Variants in CLASP2 observed in about 807,000 individuals in gnomAD.
CLASP2 encodes the protein CLIP-associating protein 2.
CLASP2 carries 47 observed loss-of-function variants against 194.4 expected under a neutral mutation model. The ratio of observed to expected loss-of-function variants is 0.24; its 90% CI spans 0.19 to 0.31. The LOEUF is 0.31. Ranked by LOEUF, CLASP2 falls within the 10% of genes least tolerant of loss-of-function variation. The pLI is 1.00. For missense variants in CLASP2, 1,445 were observed against 1,823.6 expected, an observed-to-expected ratio of 0.79 and a Z score of 3.78; for synonymous variants, 619 against 633.5, an observed-to-expected ratio of 0.98 and a Z score of 0.34.
At chr3:33,674,241 A>T (rs998431326) in intron 6 of CLASP2, among the ~76,000 whole-genome samples, 1 of 152,122 alleles carries the variant, frequency 6.6e-6, no homozygotes, top group Non-Finnish European at 1.5e-5. Flanking sequence ...ATAACAAACT[A>T]TCTCTCAGAC....
intron 34 of CLASP2, among the ~76,000 whole-genome samples, chr3:33,518,527 AT>A (rs556527846): frequency 8.7e-4 from 133 of 152,342 alleles, no homozygotes; most frequent in African/African-American, 3.1e-3. Context: ...CTGCAGACCA[AT>A]ATAACACTAT....
chr3:33,545,822 A>G (rs2059071514), intron 30 of CLASP2, among the ~76,000 whole-genome samples: 2 of 151,832 alleles, frequency 1.3e-5, no homozygotes, highest in Non-Finnish European at 2.9e-5. Context: ...AGGCCAGAGG[A>G]TCTCTTGAAC....
intron 10 of CLASP2, among the ~76,000 whole-genome samples, chr3:33,625,363 A>AACAC (rs779554126): frequency 1.5e-4 from 23 of 150,246 alleles, no homozygotes; most frequent in Admixed American, 1.0e-3. Flanking sequence ...AGATTCCTAT[A>AACAC]ACACACACAC....
chr3:33,573,041 T>C, intron 25 of CLASP2, 69 bp downstream of exon 25: 4 of 1,571,246 alleles, frequency 2.5e-6, no homozygotes, highest in Non-Finnish European at 3.5e-6. Context: ...TCTAAAGTGT[T>C]ATAGAAACAA....
chr3:33,564,796 T>C (rs754627847), intron 27 of CLASP2, among the ~76,000 whole-genome samples: 1 of 152,150 alleles, frequency 6.6e-6, no homozygotes, highest in African/African-American at 2.4e-5. Context: ...ACCTTTGTTG[T>C]CCAGGTTAGT....
chr3:33,528,184 C>T lies in CLASP2; in HGVS notation c.3787+7049G>A, dbSNP rs146230465. Among the ~76,000 whole-genome samples, 6 of 152,132 alleles carry T rather than the reference C, an allele frequency of 3.9e-5. No homozygotes were observed. In the East Asian group the frequency reaches 1.2e-3, roughly 29 times the overall value. On this transcript the variant is annotated intron_variant, in intron 34 of 38. Coordinates refer to ENST00000682230, the MANE Select transcript of CLASP2 (RefSeq NM_001365631.1). ...TTCATCACATATACAGAACTAAAGA[C>T]AAAAACCACATGATTATTTCAATAG...
At chr3:33,593,749 A>G (rs1053530851) in intron 20 of CLASP2, among the ~76,000 whole-genome samples, 1 of 152,262 alleles carries the variant, frequency 6.6e-6, no homozygotes, top group Non-Finnish European at 1.5e-5. Context: ...TGGAGAATTT[A>G]TCTACATTGT....
At chr3:33,680,412 G>A (rs2089609270) in intron 6 of CLASP2, among the ~76,000 whole-genome samples, 1 of 152,194 alleles carries the variant, frequency 6.6e-6, no homozygotes, top group Non-Finnish European at 1.5e-5. Flanking sequence ...CCACTCTGTT[G>A]AGGAATATTG....
chr3:33,565,318 A>T (rs2062507262), intron 27 of CLASP2, among the ~76,000 whole-genome samples: 1 of 151,950 alleles, frequency 6.6e-6, no homozygotes, highest in Non-Finnish European at 1.5e-5. Flanking sequence ...AGGTAGGATT[A>T]CAGGCCAGCG....
intron 6 of CLASP2, among the ~76,000 whole-genome samples, chr3:33,664,975 T>C (rs1441684328): frequency 1.3e-5 from 2 of 151,920 alleles, no homozygotes; most frequent in East Asian, 1.9e-4. Context: ...GTGGCACATA[T>C]TTGTAGTCCC....
At chr3:33,673,381 C>A (rs1230007761) in intron 6 of CLASP2, among the ~76,000 whole-genome samples, 1 of 151,936 alleles carries the variant, frequency 6.6e-6, no homozygotes, top group Admixed American at 6.6e-5. Flanking sequence ...ACTTTACAGA[C>A]AAGCAAATGC....
At chr3:33,641,952 T>C (rs2081383624) in intron 8 of CLASP2, among the ~76,000 whole-genome samples, 1 of 151,874 alleles carries the variant, frequency 6.6e-6, no homozygotes, top group Non-Finnish European at 1.5e-5. Flanking sequence ...CAATGTAAAA[T>C]CATGGGAAAG....
chr3:33,511,028 G>GT (rs1559793135), intron 36 of CLASP2, among the ~76,000 whole-genome samples: 9 of 141,230 alleles, frequency 6.4e-5, no homozygotes, highest in African/African-American at 1.1e-4. Flanking sequence ...GTTGGCTAAA[G>GT]TATTTTTTTT....
intron 6 of CLASP2, among the ~76,000 whole-genome samples, chr3:33,681,951 ACTCTTGTT>A (rs1223800046): frequency 6.6e-6 from 1 of 151,664 alleles, no homozygotes. Context: ...AAAGAGCCTG[ACTCTTGTT>A]CTCTAGCTTC....
intron 9 of CLASP2, among the ~76,000 whole-genome samples, chr3:33,629,501 T>C (rs1229082473): frequency 6.6e-6 from 1 of 152,104 alleles, no homozygotes. Flanking sequence ...CTAGGTCATA[T>C]ACTGAGAGAA....
intron 1 of CLASP2, among the ~76,000 whole-genome samples, chr3:33,708,544 GTATATATATA>G (rs140222723): frequency 2.4e-3 from 333 of 136,986 alleles, no homozygotes; most frequent in African/African-American, 7.4e-3. Context: ...ATGTATATAT[GTATATATATA>G]TATATATACA....
chr3:33,544,639 A>AATTATTATT, intron 31 of CLASP2, 59 bp downstream of exon 31: 1 of 1,476,234 alleles, frequency 6.8e-7, no homozygotes, highest in Non-Finnish European at 9.2e-7. Context: ...AAAAGAAAGC[A>AATTATTATT]ATTATTATTA....
At chr3:33,671,581 A>G (rs2087219904) in intron 6 of CLASP2, among the ~76,000 whole-genome samples, 1 of 152,150 alleles carries the variant, frequency 6.6e-6, no homozygotes. Flanking sequence ...GGAGTGCCAG[A>G]CAGTGGGCGC....
In CLASP2 at chr3:33,570,927, G is replaced by T. The variant is rs555887383; in HGVS notation, c.2700-137C>A. 8.2e-6 allele frequency: 6 copies of T among 730,090 alleles called. No homozygotes were observed. The South Asian group carries it at 1.2e-4, about 15-fold the overall frequency. 45.2% of individuals were successfully genotyped at this position (730,090 alleles called of 1,614,324 possible). ...ATGGTGGCTCACGCCTATAATCCTA[G>T]CATTTTGGGAGGCTGAGGTGAGAGG... On this transcript the variant is annotated intron_variant, in intron 25 of 38. Coordinates refer to ENST00000682230, the MANE Select transcript of CLASP2 (RefSeq NM_001365631.1).
Sources: gnomAD v4.1 joint callset for allele counts (sites outside exome capture counted in the v4.1 genomes callset) on GRCh38, gnomAD v4.1.1 for gene constraint, MANE v1.5 for transcripts, NCBI Gene and HGNC (gene_info 2026-07-23, HGNC 2026-07-21) for gene names.